The following PCSK6 variants were observed in gnomAD, a reference collection of about 807,000 sequenced individuals.
The protein encoded by PCSK6 is proprotein convertase subtilisin/kexin type 6, also known as paired basic amino acid cleaving enzyme 4.
PCSK6 carries 85 observed loss-of-function variants against 123.3 expected under a neutral mutation model. The ratio of observed to expected loss-of-function variants is 0.69; its 90% CI spans 0.58 to 0.83. PCSK6 has a LOEUF of 0.83. Among genes scored for constraint, PCSK6 ranks in the 40% least tolerant of loss-of-function variants. The pLI, the probability that PCSK6 is intolerant of heterozygous loss-of-function variation, is 0.00. For missense variants in PCSK6, 1,191 were observed against 1,282.3 expected, an observed-to-expected ratio of 0.93 and a Z score of 1.09; for synonymous variants, 508 against 516.0, an observed-to-expected ratio of 0.98 and a Z score of 0.21.
At chr15:101,402,657 G>A (rs1396438191) in intron 6 of PCSK6, among the ~76,000 whole-genome samples, 1 of 152,152 alleles carries the variant, frequency 6.6e-6, no homozygotes, top group Admixed American at 6.5e-5. Flanking sequence ...GCAGCCAAAA[G>A]ACACATGAAA....
At chr15:101,340,424 T>C (rs1482848473) in intron 13 of PCSK6, among the ~76,000 whole-genome samples, 1 of 152,222 alleles carries the variant, frequency 6.6e-6, no homozygotes, top group Non-Finnish European at 1.5e-5. Context: ...ACAGCACTTT[T>C]CTTAATGGCA....
At chr15:101,411,098 G>A (rs2055665393) in intron 6 of PCSK6, among the ~76,000 whole-genome samples, 1 of 152,186 alleles carries the variant, frequency 6.6e-6, no homozygotes, top group African/African-American at 2.4e-5. Flanking sequence ...AACAAGATCA[G>A]CACAGACGAG....
intron 13 of PCSK6, among the ~76,000 whole-genome samples, chr15:101,364,103 G>T (rs2041317535): frequency 6.6e-6 from 1 of 152,130 alleles, no homozygotes; most frequent in Middle Eastern, 3.4e-3. Flanking sequence ...AAATGGAATG[G>T]TTTTTTTAAT....
At chr15:101,351,342 G>A (rs1314366067) in intron 13 of PCSK6, among the ~76,000 whole-genome samples, 1 of 152,234 alleles carries the variant, frequency 6.6e-6, no homozygotes, top group Non-Finnish European at 1.5e-5. Flanking sequence ...TTACAAAACT[G>A]AAGAGATATT....
intron 1 of PCSK6, among the ~76,000 whole-genome samples, chr15:101,452,606 G>A (rs1441684780): frequency 3.3e-5 from 5 of 152,196 alleles, no homozygotes; most frequent in Non-Finnish European, 5.9e-5. Flanking sequence ...CAACTCAGAA[G>A]GTGAGGAGGG....
At chr15:101,459,683 A>G (rs1198628418) in intron 1 of PCSK6, among the ~76,000 whole-genome samples, 1 of 149,200 alleles carries the variant, frequency 6.7e-6, no homozygotes, top group Non-Finnish European at 1.5e-5. Flanking sequence ...CCCAGCAACT[A>G]TGAACACAGC....
chr15:101,430,238 G>A (rs540293157), intron 4 of PCSK6, among the ~76,000 whole-genome samples, 175 bp from the exon 5 acceptor site: 65 of 152,140 alleles, frequency 4.3e-4, no homozygotes, highest in Admixed American at 1.9e-3. Context: ...GGAAATACAC[G>A]ACCTTAACCA....
intron 13 of PCSK6, chr15:101,346,433 G>C (rs545182006): frequency 4.4e-5 from 7 of 159,578 alleles, no homozygotes; most frequent in Non-Finnish European, 9.5e-5. Flanking sequence ...GTAACAAAAA[G>C]AAAGAACAAG....
At chr15:101,318,034 T>C (rs1039926693) in intron 19 of PCSK6, among the ~76,000 whole-genome samples, 1 of 152,172 alleles carries the variant, frequency 6.6e-6, no homozygotes, top group Non-Finnish European at 1.5e-5. Flanking sequence ...AAGTACACAG[T>C]TCAGCAGCAT....
chr15:101,350,658 C>A (rs761092386), intron 13 of PCSK6, among the ~76,000 whole-genome samples: 35 of 152,196 alleles, frequency 2.3e-4, no homozygotes, highest in Non-Finnish European at 4.7e-4. Context: ...AAAAAGAATG[C>A]CTGGTTGCGA....
At chr15:101,354,055 G>A (rs576531479) in intron 13 of PCSK6, among the ~76,000 whole-genome samples, 1 of 152,338 alleles carries the variant, frequency 6.6e-6, no homozygotes, top group East Asian at 1.9e-4. Flanking sequence ...GGCCTGCCGA[G>A]GTCCGCAATG....
intron 6 of PCSK6, among the ~76,000 whole-genome samples, chr15:101,409,926 C>T (rs1431764565): frequency 6.6e-6 from 1 of 152,060 alleles, no homozygotes; most frequent in African/African-American, 2.4e-5. Context: ...GGGGCCTTCA[C>T]ACTTTTTTGT....
chr15:101,470,708 C>T (rs2057582428), intron 1 of PCSK6, among the ~76,000 whole-genome samples: 1 of 152,214 alleles, frequency 6.6e-6, no homozygotes, highest in African/African-American at 2.4e-5. Context: ...AATTTACCAG[C>T]AGCTTCTCCT....
intron 1 of PCSK6, among the ~76,000 whole-genome samples, chr15:101,476,875 C>G (rs1192303066): frequency 1.3e-5 from 2 of 152,040 alleles, no homozygotes; most frequent in Admixed American, 1.3e-4. Context: ...CAGATGTTAC[C>G]AAGTGTGGAC....
intron 1 of PCSK6, among the ~76,000 whole-genome samples, chr15:101,488,801 T>C (rs2058083171): frequency 6.6e-6 from 1 of 150,988 alleles, no homozygotes; most frequent in African/African-American, 2.4e-5. Context: ...CTCCCGGCCA[T>C]CTACCCCCGG....
intron 17 of PCSK6, among the ~76,000 whole-genome samples, chr15:101,324,305 C>A (rs764580262): frequency 6.6e-6 from 1 of 152,228 alleles, no homozygotes; most frequent in Non-Finnish European, 1.5e-5. Context: ...GGTCTGCAAA[C>A]CTTCCGCCCA....
At chr15:101,455,291 C>T (rs1399715761) in intron 1 of PCSK6, among the ~76,000 whole-genome samples, 4 of 152,284 alleles carry the variant, frequency 2.6e-5, no homozygotes, top group Middle Eastern at 6.8e-3. Flanking sequence ...AAGGCATAGC[C>T]GACCCCAAGG....
At chr15:101,390,512 A>C (rs2042202568) in intron 8 of PCSK6, among the ~76,000 whole-genome samples, 1 of 152,170 alleles carries the variant, frequency 6.6e-6, no homozygotes, top group South Asian at 2.1e-4. Flanking sequence ...GAAGGCAGCA[A>C]GGCTGTTTGA....
chr15:101,396,354 G>A (rs191964260), intron 7 of PCSK6, among the ~76,000 whole-genome samples: 20 of 152,132 alleles, frequency 1.3e-4, no homozygotes, highest in African/African-American at 4.3e-4. Context: ...GAGCCCGAAC[G>A]ATCACTGCCA....
Sources: gnomAD v4.1 joint callset for allele counts (sites outside exome capture counted in the v4.1 genomes callset) on GRCh38, gnomAD v4.1.1 for gene constraint, MANE v1.5 for transcripts, NCBI Gene and HGNC (gene_info 2026-07-23, HGNC 2026-07-21) for gene names.